The following TLN2 variants were observed in gnomAD, a reference collection of about 807,000 sequenced individuals.
TLN2 encodes the protein talin 2.
In TLN2, 118 loss-of-function variants were observed where a neutral mutation model predicts 294.7. The ratio of observed to expected loss-of-function variants is 0.40; its 90% confidence interval spans 0.34 to 0.47. TLN2 has a LOEUF of 0.47. TLN2 is among the 20% of genes least tolerant of loss of function. The probability of loss-of-function intolerance (pLI) is 0.84; values close to 1 mark genes in which losing one functional copy is unlikely to be tolerated. For synonymous variants in TLN2, 1,431 were observed against 1,304.5 expected (o/e 1.10, Z -2.09); for missense variants, 3,083 against 3,282.2 (o/e 0.94, Z 1.48).
intron 54 of TLN2, among the ~76,000 whole-genome samples, chr15:62,822,604 T>C (rs1353367488): frequency 6.6e-6 from 1 of 152,166 alleles, no homozygotes; most frequent in Non-Finnish European, 1.5e-5. Context: ...TTTCAGTCCA[T>C]ACCAGCCCCT....
rs757388322 is a variant in TLN2 at position 62,686,752 on chromosome 15, A to G, written c.1069A>G (p.Thr357Ala). The change falls in exon 12 of 59, where the codon ACC becomes GCC. Residue 357 changes from threonine (T) to alanine (A), a missense_variant. Physicochemically the swap from Thr to Ala is moderately conservative, Grantham distance 58 (BLOSUM62 0). Transcript: ENST00000636159. The part of the protein sequence containing the change: ...TKEVLQEWPL[T>A]TVKRWAASPK... ...GGAAGTGCTGCAGGAGTGGCCCCTC[A>G]CCACCGTCAAGCGCTGGGCAGCCTC... 11 of 1,613,554 alleles carry G rather than the reference A, an allele frequency of 6.8e-6. No homozygotes were observed. The highest frequency in any genetic ancestry group is 8.5e-6 in the Non-Finnish European group (10 of 1,179,910).
At position 62,745,164 on chromosome 15, in the gene TLN2, A is replaced by G. The variant is rs150348747; in HGVS notation, c.4026-3187A>G. On this transcript the variant is annotated intron_variant, in intron 32 of 58. Transcript: ENST00000636159. Reference sequence around the variant, plus strand: ...GAACACTAAATAATGTTTTACCTTAACCCTTTTTAACCATTGAAGTTGTAG... The same window carrying G: ...GAACACTAAATAATGTTTTACCTTAGCCCTTTTTAACCATTGAAGTTGTAG... 4.3e-3 allele frequency among the ~76,000 whole-genome samples: 651 copies of G among 152,328 alleles called. 4 individuals carry two copies. The highest frequency in any genetic ancestry group is 0.015 in the African/African-American group (631 of 41,572).
At chr15:62,720,031 C>T in intron 25 of TLN2, 151 bp downstream of exon 25, 1 of 532,262 alleles carries the variant, frequency 1.9e-6, no homozygotes, top group Non-Finnish European at 3.0e-6. Context: ...TTTCCAGTTT[C>T]AGGAGAGGTG....
At chr15:62,748,291 T>G in intron 32 of TLN2, 60 bp from the exon 33 acceptor site, 3 of 1,269,876 alleles carry the variant, frequency 2.4e-6, no homozygotes, top group Non-Finnish European at 3.4e-6. Context: ...CTGCAAAGCA[T>G]TGTAGGGGAA....
At chr15:62,539,258 T>A (rs1320186358) in intron 1 of TLN2, among the ~76,000 whole-genome samples, 1 of 152,062 alleles carries the variant, frequency 6.6e-6, no homozygotes, top group Non-Finnish European at 1.5e-5. Flanking sequence ...AGGTAAGATG[T>A]TGGGAGTGGG....
chr15:62,820,821 A>C (rs2067501445), intron 54 of TLN2, among the ~76,000 whole-genome samples: 1 of 152,162 alleles, frequency 6.6e-6, no homozygotes, highest in Non-Finnish European at 1.5e-5. Flanking sequence ...ACCCAGAAAA[A>C]TTCCTCTGAG....
chr15:62,472,623 A>G (rs2037543947), intron 1 of TLN2, among the ~76,000 whole-genome samples: 1 of 152,152 alleles, frequency 6.6e-6, no homozygotes, highest in Non-Finnish European at 1.5e-5. Flanking sequence ...TACTAGTGAG[A>G]TTTACCAAAA....
intron 1 of TLN2, among the ~76,000 whole-genome samples, chr15:62,526,157 G>C (rs1596016567): frequency 6.6e-6 from 1 of 152,090 alleles, no homozygotes; most frequent in Non-Finnish European, 1.5e-5. Flanking sequence ...TGAGACGGAG[G>C]CTCTCTCTGT....
At chr15:62,742,370 G>A (rs2061389037) in intron 32 of TLN2, among the ~76,000 whole-genome samples, 1 of 151,998 alleles carries the variant, frequency 6.6e-6, no homozygotes, top group Admixed American at 6.5e-5. Context: ...TTTGGATAAG[G>A]CAACTGACAT....
intron 15 of TLN2, among the ~76,000 whole-genome samples, chr15:62,698,186 G>C (rs1422885096): frequency 1.3e-5 from 2 of 152,186 alleles, no homozygotes; most frequent in African/African-American, 4.8e-5. Flanking sequence ...AGTCGACCAG[G>C]TTTTTAGTGA....
chr15:62,755,726 CTG>C (rs908585042), intron 37 of TLN2, 33 bp downstream of exon 37: 2 of 1,611,436 alleles, frequency 1.2e-6, no homozygotes, highest in African/African-American at 2.7e-5. Flanking sequence ...TTATTGAACT[CTG>C]TAACTCCTGT....
chr15:62,471,268 G>C (rs1005210191), intron 1 of TLN2, among the ~76,000 whole-genome samples: 1 of 152,298 alleles, frequency 6.6e-6, no homozygotes, highest in African/African-American at 2.4e-5. Context: ...GAGCCCAGGA[G>C]GTCGAGGTCG....
At chr15:62,672,362 T>A (rs2055536986) in intron 9 of TLN2, among the ~76,000 whole-genome samples, 1 of 152,144 alleles carries the variant, frequency 6.6e-6, no homozygotes, top group South Asian at 2.1e-4. Flanking sequence ...TATCTGTGCT[T>A]TAACTTACTG....
intron 1 of TLN2, among the ~76,000 whole-genome samples, chr15:62,391,301 A>G (rs945789886): frequency 1.3e-5 from 2 of 152,198 alleles, no homozygotes; most frequent in East Asian, 3.9e-4. Flanking sequence ...TTACTTGGCA[A>G]TCTCGCCACG....
At chr15:62,512,410 C>A (rs1345516987) in intron 1 of TLN2, among the ~76,000 whole-genome samples, 1 of 152,098 alleles carries the variant, frequency 6.6e-6, no homozygotes, top group African/African-American at 2.4e-5. Context: ...TTCTGGATAA[C>A]ATATTGATCC....
At chr15:62,740,126 G>T (rs1286334943) in intron 31 of TLN2, among the ~76,000 whole-genome samples, 1 of 148,550 alleles carries the variant, frequency 6.7e-6, no homozygotes, top group Non-Finnish European at 1.5e-5. Context: ...TATCTACAAA[G>T]AATTGTTTCT....
intron 28 of TLN2, among the ~76,000 whole-genome samples, chr15:62,734,494 C>T (rs765226081): frequency 1.3e-4 from 20 of 152,272 alleles, no homozygotes; most frequent in African/African-American, 4.1e-4. Flanking sequence ...CTACATCTGG[C>T]GCTTTTCTGA....
intron 1 of TLN2, among the ~76,000 whole-genome samples, chr15:62,499,958 AAAAC>A (rs2039221514): frequency 6.6e-6 from 1 of 152,098 alleles, no homozygotes; most frequent in South Asian, 2.1e-4. Context: ...ACAAACAAAA[AAAAC>A]AGTCAAAATT....
At chr15:62,489,659 A>T (rs890056623) in intron 1 of TLN2, among the ~76,000 whole-genome samples, 1 of 152,212 alleles carries the variant, frequency 6.6e-6, no homozygotes, top group Non-Finnish European at 1.5e-5. Context: ...GGTTGGACTT[A>T]GAAGTGAATC....
Sources: allele counts gnomAD v4.1 joint callset (sites outside exome capture counted in the v4.1 genomes callset), GRCh38; gene constraint gnomAD v4.1.1; transcripts MANE v1.5; gene names NCBI Gene and HGNC (gene_info 2026-07-23, HGNC 2026-07-21).